Variants in KAT6B observed in about 807,000 individuals in gnomAD.
The protein encoded by KAT6B is histone acetyltransferase KAT6B.
Under a neutral mutation model 187.5 loss-of-function variants are expected in KAT6B, and 10 were observed. The observed-to-expected ratio is 0.05, with a 90% confidence interval of 0.03 to 0.09. KAT6B has a LOEUF of 0.09. Among genes scored for constraint, KAT6B ranks in the 10% least tolerant of loss-of-function variants. KAT6B has a pLI of 1.00. For synonymous variants in KAT6B, 861 were observed against 926.8 expected (o/e 0.93, Z 1.29); for missense variants, 1,952 against 2,558.9 (o/e 0.76, Z 5.12).
chr10:74,925,450 G>A (rs918856293), intron 3 of KAT6B, among the ~76,000 whole-genome samples: 1 of 135,898 alleles, frequency 7.4e-6, no homozygotes, highest in Non-Finnish European at 1.5e-5. Flanking sequence ...TCCTGTGCTG[G>A]TCTAGGATTA....
intron 13 of KAT6B, among the ~76,000 whole-genome samples, chr10:75,017,378 A>T (rs1266485028): frequency 6.6e-6 from 1 of 151,832 alleles, no homozygotes; most frequent in East Asian, 2.0e-4. Flanking sequence ...CACGCCTGTA[A>T]TCCCAACACT....
intron 3 of KAT6B, among the ~76,000 whole-genome samples, chr10:74,899,870 C>A (rs1846259155): frequency 6.6e-6 from 1 of 152,024 alleles, no homozygotes; most frequent in African/African-American, 2.4e-5. Flanking sequence ...TATATTTAAG[C>A]AAACTTTATT....
Position 75,029,406 on chromosome 10 carries a change from A to C in KAT6B, c.4582A>C (p.Lys1528Gln), listed in dbSNP as rs761383444. ...CAGCAAGGAAGTCGATACAGAGTTCAAAGAGGGAAACCCAGCAACCATGGA... is the reference window on the plus strand; with the variant it reads ...CAGCAAGGAAGTCGATACAGAGTTCCAAGAGGGAAACCCAGCAACCATGGA... Reference protein sequence around the residue: ...KNSKEVDTEFKEGNPATMEID... With the variant: ...KNSKEVDTEFQEGNPATMEID... The change falls in exon 18 of 18, where the codon AAA (lysine) becomes CAA (glutamine). Residue 1528 changes from lysine (K) to glutamine (Q), a missense_variant. By Grantham distance (53) the Lys-to-Gln change is moderately conservative (BLOSUM62 1). Around this residue, in one of 9 missense-constraint regions of KAT6B, gnomAD observed 758 missense variants for 891.4 expected, o/e 0.85. Coordinates refer to ENST00000287239, the MANE Select transcript of KAT6B (RefSeq NM_012330.4). The surrounding 1 kb of genome is among the most constrained non-coding windows in gnomAD (Gnocchi z 6.2). The C allele has an allele frequency of 2.5e-6, 4 of 1,614,084 alleles. No homozygotes were observed. The highest frequency in any genetic ancestry group is 3.4e-6 in the Non-Finnish European group (4 of 1,180,046).
chr10:74,957,618 T>C (rs1426002061), intron 3 of KAT6B, among the ~76,000 whole-genome samples: 3 of 152,208 alleles, frequency 2.0e-5, no homozygotes, highest in African/African-American at 7.2e-5. Context: ...ATGAATGATA[T>C]GTGACATTCT....
chr10:74,950,068 T>C (rs555184075), intron 3 of KAT6B, among the ~76,000 whole-genome samples: 1 of 152,154 alleles, frequency 6.6e-6, no homozygotes, highest in African/African-American at 2.4e-5. Context: ...CACAGAGAAG[T>C]ATAATGAGCA....
At chr10:74,970,357 ATC>A (rs1370345550) in intron 6 of KAT6B, among the ~76,000 whole-genome samples, 1 of 152,000 alleles carries the variant, frequency 6.6e-6, no homozygotes, top group Non-Finnish European at 1.5e-5. Flanking sequence ...TGAAAAGACC[ATC>A]TCTCTCTCCA....
chr10:74,988,229 T>A (rs1182983922), intron 12 of KAT6B, among the ~76,000 whole-genome samples: 1 of 152,216 alleles, frequency 6.6e-6, no homozygotes, highest in African/African-American at 2.4e-5. Flanking sequence ...GATCTCTGTG[T>A]AGGTTTTGGC....
intron 3 of KAT6B, among the ~76,000 whole-genome samples, chr10:74,906,749 C>T (rs1266806772): frequency 6.6e-6 from 1 of 152,180 alleles, no homozygotes; most frequent in Admixed American, 6.5e-5. Flanking sequence ...GGTTTACAGT[C>T]TTGGCTTCAG....
chr10:74,998,833 A>G (rs1337585770), intron 13 of KAT6B, among the ~76,000 whole-genome samples: 3 of 152,170 alleles, frequency 2.0e-5, no homozygotes, highest in Admixed American at 6.5e-5. Context: ...TGAGTCCTCC[A>G]TTAAGGATGG....
rs758544271 is a variant in KAT6B, at chr10:75,030,243, C to T, written c.5419C>T (p.His1807Tyr). 6.2e-7 allele frequency: 1 copy of T among 1,614,222 alleles called. No individual in the cohort carries two copies. The highest frequency in any genetic ancestry group is 8.5e-7 in the Non-Finnish European group (1 of 1,180,034). Residue 1807 changes from histidine to tyrosine, a missense_variant, in exon 18 of 18, where the codon CAT (histidine) becomes TAT (tyrosine). This residue lies in a region of KAT6B where 358 missense variants were observed against 436.3 expected (regional missense o/e 0.82). Coordinates refer to ENST00000287239, the MANE Select transcript of KAT6B (RefSeq NM_012330.4). The surrounding 1 kb of genome is among the most constrained non-coding windows in gnomAD (Gnocchi z 4.8). ...GGGTCAGAGTGATTTTGGGGCTGGGCATTACCCGCAGCCGTCAGCCACCTT... is the reference window on the plus strand; with the variant it reads ...GGGTCAGAGTGATTTTGGGGCTGGGTATTACCCGCAGCCGTCAGCCACCTT... ...RMGQSDFGAG[H>Y]YPQPSATFSL...
intron 10 of KAT6B, among the ~76,000 whole-genome samples, chr10:74,980,882 A>C (rs954560722): frequency 6.6e-6 from 1 of 152,236 alleles, no homozygotes; most frequent in Non-Finnish European, 1.5e-5. Context: ...TATTTACTGC[A>C]TTTAGACCAT....
At chr10:74,871,085 T>C (rs1221892060) in intron 3 of KAT6B, among the ~76,000 whole-genome samples, 1 of 149,778 alleles carries the variant, frequency 6.7e-6, no homozygotes, top group Non-Finnish European at 1.5e-5. Context: ...TTCCACCATG[T>C]TGGCCGGGCT....
chr10:74,866,078 T>C (rs1843533755), intron 3 of KAT6B, among the ~76,000 whole-genome samples: 1 of 152,116 alleles, frequency 6.6e-6, no homozygotes, highest in African/African-American at 2.4e-5. Flanking sequence ...GTGGATTTTG[T>C]TATAGTCTGA....
intron 2 of KAT6B, among the ~76,000 whole-genome samples, 174 bp downstream of exon 2, chr10:74,838,926 G>C (rs934362702): frequency 2.0e-5 from 3 of 152,116 alleles, no homozygotes; most frequent in Non-Finnish European, 4.4e-5. Context: ...AGGCCGAAGT[G>C]GGCGGATCAC....
intron 3 of KAT6B, among the ~76,000 whole-genome samples, chr10:74,951,850 G>A (rs1840341592): frequency 6.6e-6 from 1 of 152,146 alleles, no homozygotes; most frequent in African/African-American, 2.4e-5. Context: ...CAATATTTTG[G>A]GACCTGTGAA....
chr10:74,893,804 A>G (rs1845805546), intron 3 of KAT6B, among the ~76,000 whole-genome samples: 1 of 151,790 alleles, frequency 6.6e-6, no homozygotes, highest in African/African-American at 2.4e-5. Context: ...AAATCCTGAA[A>G]TAGCTTTCCA....
intron 3 of KAT6B, among the ~76,000 whole-genome samples, chr10:74,862,895 C>G (rs1352166836): frequency 6.6e-6 from 1 of 152,156 alleles, no homozygotes; most frequent in Non-Finnish European, 1.5e-5. Flanking sequence ...TCCACTCTGC[C>G]ATACTGTTTG....
At chr10:74,869,546 A>T (rs933822958) in intron 3 of KAT6B, among the ~76,000 whole-genome samples, 1 of 152,210 alleles carries the variant, frequency 6.6e-6, no homozygotes, top group Non-Finnish European at 1.5e-5. Context: ...TGGGCCTCCC[A>T]AAGTGCTGAG....
chr10:74,859,405 G>A (rs1843021742), intron 3 of KAT6B, among the ~76,000 whole-genome samples: 2 of 152,074 alleles, frequency 1.3e-5, no homozygotes, highest in Admixed American at 1.3e-4. Flanking sequence ...ATTTAAATTA[G>A]AACCCTCAAT....
Sources: gnomAD v4.1 joint callset for allele counts (sites outside exome capture counted in the v4.1 genomes callset) on GRCh38, gnomAD v4.1.1 for gene constraint, gnomAD v4.1.1 regional missense constraint, Gnocchi (gnomAD v3.1) non-coding constraint, MANE v1.5 for transcripts, NCBI Gene and HGNC (gene_info 2026-07-23, HGNC 2026-07-21) for gene names.